Variants in OSBPL1A observed in about 807,000 individuals in gnomAD.
The protein encoded by OSBPL1A is oxysterol-binding protein-related protein 1.
A neutral mutation model predicts 137.1 loss-of-function variants in OSBPL1A; 80 were observed. The observed-to-expected ratio is 0.58, with a 90% confidence interval of 0.49 to 0.70. OSBPL1A has a LOEUF of 0.70. OSBPL1A is among the 30% of genes least tolerant of loss of function. OSBPL1A has a pLI of 0.00. For synonymous variants in OSBPL1A, 365 were observed against 389.7 expected, an observed-to-expected ratio of 0.94 and a Z score of 0.75; for missense variants, 970 against 1,129.4, an observed-to-expected ratio of 0.86 and a Z score of 2.02.
At chr18:24,195,759 C>T (rs867211108) in intron 18 of OSBPL1A, among the ~76,000 whole-genome samples, 5 of 152,256 alleles carry the variant, frequency 3.3e-5, no homozygotes, top group Admixed American at 2.6e-4. Flanking sequence ...ATTCCAAATA[C>T]GAAAACTTGC....
chr18:24,385,716 C>A (rs1164917304), intron 1 of OSBPL1A, among the ~76,000 whole-genome samples: 1 of 152,180 alleles, frequency 6.6e-6, no homozygotes, highest in Admixed American at 6.5e-5. Context: ...CCAAGAGTAT[C>A]TCCAGTGGAA....
At chr18:24,380,252 A>G (rs1343308733) in intron 1 of OSBPL1A, among the ~76,000 whole-genome samples, 2 of 152,196 alleles carry the variant, frequency 1.3e-5, no homozygotes, top group Non-Finnish European at 2.9e-5. Context: ...GGTGTAGCTC[A>G]CCAAAATTAA....
At position 24,239,222 on chromosome 18, in the gene OSBPL1A, G is replaced by A. The variant is rs770497758; in HGVS notation, c.1442C>T (p.Ser481Leu). 6 of 1,613,160 alleles carry A rather than the reference G, an allele frequency of 3.7e-6. No homozygotes were observed. The highest frequency in any genetic ancestry group is 1.7e-5 in the Admixed American group (1 of 59,862). The change falls in exon 16 of 28, where the codon TCA (serine) becomes TTA (leucine). Residue 481 changes from serine to leucine, a missense_variant and splice_region_variant. Physicochemically the swap from Ser to Leu is moderately radical, Grantham distance 145. This residue lies in a region of OSBPL1A where 647 missense variants were observed against 672.6 expected (regional missense o/e 0.96). Coordinates refer to ENST00000319481, the MANE Select transcript of OSBPL1A (RefSeq NM_080597.4). ...LSEDEFYDAL[S>L]DSESERSLSR... The stretch of plus-strand genomic sequence containing the variant: ...AGAGGGAAGGATCCCAGAGTTACCT[G>A]ACAGCGCATCATAGAACTCGTCCTC...
chr18:24,175,133 T>TATATATATAC (rs1358434605), intron 21 of OSBPL1A, among the ~76,000 whole-genome samples: 2 of 122,688 alleles, frequency 1.6e-5, no homozygotes, highest in Non-Finnish European at 3.3e-5. Flanking sequence ...TATATATATA[T>TATATATATAC]ATACACATAT....
rs1229877479 is a variant in OSBPL1A, at chr18:24,167,358, T to C, written c.2506A>G (p.Ile836Val). The part of the protein sequence containing the change: ...IIPGSVLLWR[I>V]APRPPNSAQM... ...GCAGAATTTGGAGGCCGTGGGGCTA[T>C]TCGCCATAGAAGAACGCTTCCAGGG... The change falls in exon 25 of 28, where the codon ATA (isoleucine) becomes GTA (valine). Residue 836 changes from isoleucine to valine, a missense_variant. By Grantham distance (29) the Ile-to-Val change is conservative (BLOSUM62 3). Around this residue, in one of 2 missense-constraint regions of OSBPL1A, gnomAD observed 323 missense variants for 456.8 expected, o/e 0.71. Transcript: ENST00000319481. 2 of 1,614,210 alleles carry C rather than the reference T, an allele frequency of 1.2e-6. No individual in the cohort carries two copies. The highest frequency in any genetic ancestry group is 3.3e-5 in the Admixed American group (2 of 60,022).
At chr18:24,236,732 C>T (rs184266238) in intron 16 of OSBPL1A, among the ~76,000 whole-genome samples, 2 of 152,258 alleles carry the variant, frequency 1.3e-5, no homozygotes, top group African/African-American at 2.4e-5. Flanking sequence ...GCCTCAGGAT[C>T]GTTCTCAACA....
chr18:24,203,235 C>T (rs1368174351), intron 17 of OSBPL1A, among the ~76,000 whole-genome samples: 1 of 152,140 alleles, frequency 6.6e-6, no homozygotes. Context: ...CCGTGGCCTC[C>T]CAAAGTGCCG....
chr18:24,261,770 C>T (rs560665083), intron 15 of OSBPL1A, among the ~76,000 whole-genome samples: 88 of 152,230 alleles, frequency 5.8e-4, no homozygotes, highest in Admixed American at 7.9e-4. Flanking sequence ...GAAGTTAAGG[C>T]TGCAGTGAGC....
At chr18:24,248,198 A>G (rs2088961122) in intron 15 of OSBPL1A, among the ~76,000 whole-genome samples, 3 of 152,218 alleles carry the variant, frequency 2.0e-5, no homozygotes, top group African/African-American at 7.2e-5. Context: ...CAGAGCATAT[A>G]AGGAATACAG....
intron 1 of OSBPL1A, among the ~76,000 whole-genome samples, chr18:24,392,526 T>C (rs1907432086): frequency 6.6e-6 from 1 of 152,250 alleles, no homozygotes; most frequent in African/African-American, 2.4e-5. Flanking sequence ...CGATTAGTTT[T>C]TAAATTCTCA....
chr18:24,317,074 AT>A (rs1406884974), intron 11 of OSBPL1A, 74 bp downstream of exon 11: 24 of 1,434,580 alleles, frequency 1.7e-5, no homozygotes, highest in Non-Finnish European at 2.4e-5. Flanking sequence ...ACAAGGCTGT[AT>A]AAATGATTTG....
chr18:24,299,794 A>G (rs2090362829), intron 14 of OSBPL1A, among the ~76,000 whole-genome samples: 1 of 152,234 alleles, frequency 6.6e-6, no homozygotes, highest in Non-Finnish European at 1.5e-5. Flanking sequence ...CATGCAATAT[A>G]GTATATGTAT....
At chr18:24,362,024 T>C (rs1238385681) in intron 4 of OSBPL1A, among the ~76,000 whole-genome samples, 9 of 128,694 alleles carry the variant, frequency 7.0e-5, no homozygotes, top group African/African-American at 2.0e-4. Context: ...AAAAAAGACA[T>C]AGACAAAAAT....
chr18:24,193,039 C>T (rs1171694586), intron 18 of OSBPL1A, among the ~76,000 whole-genome samples: 1 of 152,144 alleles, frequency 6.6e-6, no homozygotes, highest in Non-Finnish European at 1.5e-5. Context: ...ATTTCCTCTT[C>T]CACTCTTAGG....
rs900862712 is a variant in OSBPL1A, at chr18:24,318,525, A to T, written c.732+76T>A. 15 of 1,258,006 alleles carry T rather than the reference A, an allele frequency of 1.2e-5. No individual in the cohort carries two copies. The African/African-American group carries it at 1.8e-4, about 15-fold the overall frequency. The allele number at this position is 1,258,006 out of a possible 1,614,324, so 77.9% of individuals were successfully genotyped here. ...ACATATACTTCAGAAATGATTTTTTAAAAGTTTTAAACAGAAATAGAGCAC... is the reference window on the plus strand; with the variant it reads ...ACATATACTTCAGAAATGATTTTTTTAAAGTTTTAAACAGAAATAGAGCAC... On this transcript the variant is annotated intron_variant, in intron 9 of 27. Transcript: ENST00000319481.
chr18:24,243,574 T>C (rs770919060), intron 15 of OSBPL1A, among the ~76,000 whole-genome samples: 30 of 152,114 alleles, frequency 2.0e-4, no homozygotes, highest in Non-Finnish European at 3.8e-4. Context: ...CTCAAAAAAA[T>C]CTTATTCAAA....
chr18:24,391,748 C>T (rs1181349181), intron 1 of OSBPL1A, among the ~76,000 whole-genome samples: 4 of 151,864 alleles, frequency 2.6e-5, no homozygotes, highest in African/African-American at 7.3e-5. Context: ...AACAAACAAA[C>T]GACAACAACA....
intron 4 of OSBPL1A, among the ~76,000 whole-genome samples, chr18:24,354,392 G>A (rs775705861): frequency 5.3e-5 from 8 of 151,714 alleles, no homozygotes; most frequent in Non-Finnish European, 1.2e-4. Context: ...ACACAAGGCA[G>A]GCCTAAGGTT....
intron 5 of OSBPL1A, among the ~76,000 whole-genome samples, chr18:24,337,566 G>A (rs2091197247): frequency 8.4e-6 from 1 of 119,030 alleles, no homozygotes; most frequent in Non-Finnish European, 1.6e-5. Flanking sequence ...GTGAAACTCT[G>A]TCTCAAAAAA....
Sources: gnomAD v4.1 joint callset for allele counts (sites outside exome capture counted in the v4.1 genomes callset) on GRCh38, gnomAD v4.1.1 for gene constraint, gnomAD v4.1.1 regional missense constraint, MANE v1.5 for transcripts, NCBI Gene and HGNC (gene_info 2026-07-23, HGNC 2026-07-21) for gene names.